The following GSAP variants were observed in gnomAD, a reference collection of about 807,000 sequenced individuals.
GSAP encodes the protein gamma-secretase-activating protein.
GSAP carries 118 observed loss-of-function variants against 131.7 expected under a neutral mutation model. That is an observed-to-expected ratio of 0.90 (90% CI 0.77 to 1.04). The LOEUF (loss-of-function observed/expected upper bound fraction) is 1.04, where lower values mean the gene tolerates loss of function less well. Among genes scored for constraint, GSAP ranks in the 50% least tolerant of loss-of-function variants. The probability of loss-of-function intolerance (pLI) is 0.00; values close to 1 mark genes in which losing one functional copy is unlikely to be tolerated. For missense variants in GSAP, 1,019 were observed against 1,013.2 expected (o/e 1.01, Z -0.08); for synonymous variants, 381 against 363.4 (o/e 1.05, Z -0.55).
chr7:77,329,077 T>C (rs1458782981), intron 21 of GSAP, among the ~76,000 whole-genome samples: 4 of 152,200 alleles, frequency 2.6e-5, no homozygotes, highest in African/African-American at 7.2e-5. Flanking sequence ...GGAAATTTCT[T>C]TACCAATTAT....
Position 77,311,377 on chromosome 7 carries a change from G to C in GSAP, c.2546C>G (p.Ala849Gly). The C allele has an allele frequency of 6.2e-7, 1 of 1,605,934 alleles. No homozygotes were observed. The highest frequency in any genetic ancestry group is 8.5e-7 in the Non-Finnish European group (1 of 1,172,682). ...TCTTTTTCATAAGCCTAAAAGCATC[G>C]CGGTGTGTTTCAGAGCTGCTTCCTC... ...FVEEAALKHT[A>G]MLLGL Residue 849 changes from alanine to glycine, a missense_variant, in exon 31 of 31, where the codon GCG becomes GGG. By Grantham distance (60) the Ala-to-Gly change is moderately conservative. Transcript: ENST00000257626.
At chr7:77,402,054 G>C (rs1445423799) in intron 3 of GSAP, among the ~76,000 whole-genome samples, 1 of 152,136 alleles carries the variant, frequency 6.6e-6, no homozygotes, top group African/African-American at 2.4e-5. Context: ...GAAACTGAGT[G>C]AAGAGTACAC....
chr7:77,312,197 A>G lies in GSAP; in HGVS notation c.2277T>C (p.Ile759=), dbSNP rs1452955953. 2 of 1,577,058 alleles carry G rather than the reference A, an allele frequency of 1.3e-6. No homozygotes were observed. The highest frequency in any genetic ancestry group is 2.2e-5 in the East Asian group (1 of 44,672). ...CCCAAAGTCTACAAATCTTCTGCCC[A>G]ATAAGCTATTATGCAAATTGAAAAA... ...FSIIVRLPPL[I]GQKICRLWDH... is the part of the protein sequence containing the mutation. The change falls in exon 29 of 31, where the codon ATT becomes ATC. Residue 759 remains isoleucine, a synonymous_variant. Coordinates refer to ENST00000257626, the MANE Select transcript of GSAP (RefSeq NM_017439.4).
intron 25 of GSAP, among the ~76,000 whole-genome samples, 180 bp downstream of exon 25, chr7:77,321,153 T>C (rs181329256): frequency 6.6e-6 from 1 of 152,324 alleles, no homozygotes; most frequent in African/African-American, 2.4e-5. Context: ...GCTTTTATTA[T>C]ACATTAAAGG....
intron 6 of GSAP, among the ~76,000 whole-genome samples, chr7:77,384,415 A>C (rs1029607070): frequency 6.6e-6 from 1 of 152,216 alleles, no homozygotes; most frequent in African/African-American, 2.4e-5. Flanking sequence ...TGGAAGCCAA[A>C]AGTAGACAGG....
chr7:77,352,814 A>G lies in GSAP; in HGVS notation c.1491+130T>C, dbSNP rs903994656. The G allele has an allele frequency of 9.0e-6, 5 of 554,782 alleles. No homozygotes were observed. In the South Asian group the frequency reaches 1.4e-4, roughly 15 times the overall value. The allele number at this position is 554,782 out of a possible 1,614,324, so 34.4% of individuals were successfully genotyped here. A position where few individuals can be genotyped will look rare whatever the true frequency, so the allele number is the denominator to read the frequency against. On this transcript the variant is annotated intron_variant, in intron 18 of 30. Transcript: ENST00000257626. ...ATTACTTTTCTGCCAAAAAAAATTCAACTGAGTTCTTTATCAGTCAAAACA... is the reference window on the plus strand; with the variant it reads ...ATTACTTTTCTGCCAAAAAAAATTCGACTGAGTTCTTTATCAGTCAAAACA...
intron 19 of GSAP, 139 bp from the exon 20 acceptor site, chr7:77,330,506 T>C (rs1788947242): frequency 2.0e-5 from 27 of 1,326,516 alleles, no homozygotes; most frequent in Non-Finnish European, 2.5e-5. Context: ...GAAGATGGCA[T>C]TCTAGACCCA....
At chr7:77,315,935 ACAAT>A (rs974582136) in intron 26 of GSAP, 2 of 152,262 alleles carry the variant, frequency 1.3e-5, no homozygotes, top group Non-Finnish European at 2.9e-5. Flanking sequence ...GGGGAGGCAG[ACAAT>A]CAATTACAAA....
intron 22 of GSAP, chr7:77,327,158 G>A (rs1394880373): frequency 1.3e-5 from 2 of 152,200 alleles, no homozygotes; most frequent in East Asian, 3.8e-4. Flanking sequence ...TTCTTTATGG[G>A]GAACTAGTAT....
intron 19 of GSAP, among the ~76,000 whole-genome samples, chr7:77,334,409 A>G (rs977150222): frequency 1.1e-4 from 17 of 151,536 alleles, no homozygotes; most frequent in African/African-American, 3.9e-4. Context: ...AACAACACAC[A>G]CTGGGGCCTG....
chr7:77,355,618 G>T lies in GSAP; in HGVS notation c.1057C>A (p.His353Asn). The T allele has an allele frequency of 1.9e-6, 3 of 1,603,420 alleles. No individual in the cohort carries two copies. The South Asian group carries it at 3.3e-5, about 18-fold the overall frequency. ...DYYVAVYLPG[H>N]FFHLLNVQHP... ...TGAACATTAAGTAGGTGGAAGAAAT[G>T]ACCAGGTAAGTAAACAGCCACATAA... Residue 353 changes from histidine to asparagine, a missense_variant, in exon 15 of 31, where the codon CAT (histidine) becomes AAT (asparagine). By Grantham distance (68) the His-to-Asn change is moderately conservative. Coordinates refer to ENST00000257626, the MANE Select transcript of GSAP (RefSeq NM_017439.4).
intron 8 of GSAP, among the ~76,000 whole-genome samples, chr7:77,377,862 T>C (rs758707832): frequency 5.3e-5 from 8 of 152,202 alleles, no homozygotes; most frequent in Non-Finnish European, 7.4e-5. Flanking sequence ...AAACCAACCA[T>C]GCAGCTTTGG....
chr7:77,358,370 A>T (rs1332461348), intron 14 of GSAP, among the ~76,000 whole-genome samples: 1 of 152,202 alleles, frequency 6.6e-6, no homozygotes, highest in Non-Finnish European at 1.5e-5. Flanking sequence ...TTTGCTGGGA[A>T]GATTTGATGA....
chr7:77,377,400 CAAAAA>C lies in GSAP; in HGVS notation c.577-15_577-11del, dbSNP rs56314229. ...CAGAATTTTTAATCACCTAAAAATGCAAAAAAAAAAAAAAAAAAAAAAGTATGAAT... is the reference window on the plus strand; with the variant it reads ...CAGAATTTTTAATCACCTAAAAATGCAAAAAAAAAAAAAAAAAGTATGAAT... On this transcript the variant is annotated splice_polypyrimidine_tract_variant and intron_variant, in intron 8 of 30. Coordinates refer to ENST00000257626, the MANE Select transcript of GSAP (RefSeq NM_017439.4). 20,935 of 1,169,796 alleles carry C rather than the reference CAAAAA, an allele frequency of 0.018. 5 individuals are homozygous for C. Among genetic ancestry groups the C allele is most frequent in the South Asian group, 0.043 (2,332 of 54,634 alleles). 72.5% of individuals were successfully genotyped at this position (1,169,796 alleles called of 1,614,324 possible). A position where few individuals can be genotyped will look rare whatever the true frequency, so the allele number is the denominator to read the frequency against.
chr7:77,333,499 TTA>T (rs2150704542), intron 19 of GSAP, among the ~76,000 whole-genome samples: 1 of 152,230 alleles, frequency 6.6e-6, no homozygotes, highest in East Asian at 1.9e-4. Flanking sequence ...TGCCTGAGCC[TTA>T]TGAGTTTTAC....
chr7:77,337,993 A>G (rs1790284468), intron 19 of GSAP, among the ~76,000 whole-genome samples: 1 of 151,798 alleles, frequency 6.6e-6, no homozygotes, highest in African/African-American at 2.4e-5. Context: ...TCTACAGGAA[A>G]CAAACAAACA....
intron 6 of GSAP, among the ~76,000 whole-genome samples, chr7:77,387,155 GAAAC>G (rs574875660): frequency 8.9e-4 from 136 of 152,290 alleles, no homozygotes; most frequent in African/African-American, 2.8e-3. Context: ...ACATTACTAA[GAAAC>G]AAACAGAGTT....
In GSAP at chr7:77,355,306, C is replaced by T; in HGVS notation, c.1245G>A (p.Gln415=). The change falls in exon 16 of 31, where the codon CAG becomes CAA. Residue 415 remains glutamine, a synonymous_variant. Coordinates refer to ENST00000257626, the MANE Select transcript of GSAP (RefSeq NM_017439.4). The part of the protein sequence containing the change: ...RALLSQSSLL[Q]LLQNTCLDCE... Reference sequence around the variant, plus strand: ...AGTCTAAGCAAGTGTTCTGCAGAAGCTGTAATAAAGACGACTGGCTGAGCA... The same window carrying T: ...AGTCTAAGCAAGTGTTCTGCAGAAGTTGTAATAAAGACGACTGGCTGAGCA... The T allele has an allele frequency of 1.9e-6, 3 of 1,613,852 alleles. No individual in the cohort carries two copies. The highest frequency in any genetic ancestry group is 1.3e-5 in the African/African-American group (1 of 75,010).
chr7:77,393,493 T>C (rs1799892259), intron 5 of GSAP, among the ~76,000 whole-genome samples: 2 of 152,048 alleles, frequency 1.3e-5, no homozygotes, highest in African/African-American at 4.8e-5. Flanking sequence ...CATGTCAAAC[T>C]GAGCAAGTCC....
Sources: gnomAD v4.1 joint callset for allele counts (sites outside exome capture counted in the v4.1 genomes callset) on GRCh38, gnomAD v4.1.1 for gene constraint, MANE v1.5 for transcripts, NCBI Gene and HGNC (gene_info 2026-07-23, HGNC 2026-07-21) for gene names.